The following AKAP9 variants were observed in gnomAD, a reference collection of about 807,000 sequenced individuals.
AKAP9 encodes the protein A-kinase anchor protein 9.
AKAP9 carries 311 observed loss-of-function variants against 488.5 expected under a neutral mutation model. That is an observed-to-expected ratio of 0.64 (90% CI 0.58 to 0.70). The LOEUF (loss-of-function observed/expected upper bound fraction) is 0.70. Among genes scored for constraint, AKAP9 ranks in the 30% least tolerant of loss-of-function variants. The pLI, the probability that AKAP9 is intolerant of heterozygous loss-of-function variation, is 0.00. For synonymous variants in AKAP9, 1,462 were observed against 1,483.5 expected (o/e 0.99, Z 0.33); for missense variants, 4,215 against 4,374.5 (o/e 0.96, Z 1.03).
chr7:91,951,374 G>A (rs1792225621), intron 1 of AKAP9, among the ~76,000 whole-genome samples: 1 of 151,602 alleles, frequency 6.6e-6, no homozygotes, highest in Admixed American at 6.6e-5. Context: ...GCCCCAGCTG[G>A]AGTGTGGTGG....
At chr7:91,947,175 C>T (rs111269314) in intron 1 of AKAP9, among the ~76,000 whole-genome samples, 52 of 147,734 alleles carry the variant, frequency 3.5e-4, no homozygotes, top group African/African-American at 9.0e-4. Context: ...TGTGTGTGTG[C>T]GTGTGTGTGT....
intron 1 of AKAP9, among the ~76,000 whole-genome samples, chr7:91,964,223 G>A (rs1013175654): frequency 2.6e-5 from 4 of 152,140 alleles, no homozygotes; most frequent in African/African-American, 7.2e-5. Flanking sequence ...AGCTAGATAC[G>A]ATTGTTGAAG....
chr7:91,985,405 A>G lies in AKAP9; in HGVS notation c.351+5072A>G, dbSNP rs112329238. On this transcript the variant is annotated intron_variant, in intron 3 of 49. Coordinates refer to ENST00000356239, the MANE Select transcript of AKAP9 (RefSeq NM_005751.5). Reference sequence around the variant, plus strand: ...TTTTGTCTTTGGTTCTGTTTATGTGATGGATTATGTTTATTGATTTGTGTG... The same window carrying G: ...TTTTGTCTTTGGTTCTGTTTATGTGGTGGATTATGTTTATTGATTTGTGTG... Among the ~76,000 whole-genome samples the G allele has an allele frequency of 5.2e-3, 783 of 151,956 alleles. 6 individuals are homozygous for G. The highest frequency in any genetic ancestry group is 0.018 in the African/African-American group (741 of 41,444).
At chr7:92,049,704 G>T (rs559229348) in intron 21 of AKAP9, among the ~76,000 whole-genome samples, 120 of 151,778 alleles carry the variant, frequency 7.9e-4, no homozygotes, top group African/African-American at 2.7e-3. Context: ...TTTAAATTTG[G>T]TTTTTTCTTG....
At position 92,040,755 on chromosome 7, in the gene AKAP9, C is replaced by T. The variant is rs1805963402; in HGVS notation, c.4774C>T (p.Gln1592Ter). The T allele has an allele frequency of 2.5e-6, 4 of 1,611,644 alleles. No homozygotes were observed. Among genetic ancestry groups the T allele is most frequent in the Non-Finnish European group, 3.4e-6 (4 of 1,179,696 alleles). Residue 1592 changes from glutamine to a stop codon, truncating the protein, a stop_gained, in exon 18 of 50, where the codon CAG (glutamine) becomes TAG (stop). Coordinates refer to ENST00000356239, the MANE Select transcript of AKAP9 (RefSeq NM_005751.5). LOFTEE classifies it high-confidence loss of function. ...LNEEQLEDMRQELVRQYQEHQ... is the reference protein window; with the variant it reads ...LNEEQLEDMR ...TGAAGAACAGTTGGAAGATATGAGA[C>T]AGGAACTTGTACGACAATACCAAGA...
At chr7:91,943,624 C>T (rs568423975) in intron 1 of AKAP9, among the ~76,000 whole-genome samples, 1 of 152,124 alleles carries the variant, frequency 6.6e-6, no homozygotes, top group Non-Finnish European at 1.5e-5. Flanking sequence ...ACTACTATGT[C>T]ATTTTATAGA....
At chr7:92,004,235 C>T (rs979975476) in intron 8 of AKAP9, among the ~76,000 whole-genome samples, 8 of 152,070 alleles carry the variant, frequency 5.3e-5, no homozygotes, top group Admixed American at 1.3e-4. Context: ...AGTCAGGTAG[C>T]GTGATGCCTC....
intron 8 of AKAP9, among the ~76,000 whole-genome samples, chr7:92,008,161 A>G (rs1354243271): frequency 6.6e-6 from 1 of 151,812 alleles, no homozygotes; most frequent in African/African-American, 2.4e-5. Flanking sequence ...CAAGGTCAGG[A>G]GTTCAAGATT....
intron 14 of AKAP9, among the ~76,000 whole-genome samples, chr7:92,027,395 G>T (rs1404950081): frequency 1.4e-5 from 2 of 141,830 alleles, no homozygotes; most frequent in African/African-American, 5.3e-5. Context: ...CTGCCCGGCC[G>T]CCCTGTCTGG....
At chr7:91,993,253 A>G (rs949198340) in intron 5 of AKAP9, among the ~76,000 whole-genome samples, 198 bp downstream of exon 5, 3 of 149,124 alleles carry the variant, frequency 2.0e-5, no homozygotes, top group South Asian at 2.1e-4. Context: ...TAGTGGTGCA[A>G]TCTCGGCCCA....
At chr7:91,983,479 T>C (rs912626106) in intron 3 of AKAP9, among the ~76,000 whole-genome samples, 1 of 152,274 alleles carries the variant, frequency 6.6e-6, no homozygotes, top group South Asian at 2.1e-4. Context: ...GGTTCCAAGT[T>C]TTTGCTATTG....
At chr7:91,991,534 C>T (rs1273741951) in intron 3 of AKAP9, among the ~76,000 whole-genome samples, 2 of 150,108 alleles carry the variant, frequency 1.3e-5, no homozygotes, top group African/African-American at 2.5e-5. Flanking sequence ...TGCAGTGGCT[C>T]GATCTCAGCT....
In AKAP9 at chr7:92,110,148, A is replaced by G. The variant is rs1220989960; in HGVS notation, c.11713A>G (p.Met3905Val). The change falls in exon 50 of 50, where the codon ATG becomes GTG. Residue 3905 changes from methionine (M) to valine (V), a missense_variant. Physicochemically the swap from Met to Val is conservative, Grantham distance 21. This residue lies in a region of AKAP9 where 253 missense variants were observed against 266.8 expected (regional missense o/e 0.95). Transcript: ENST00000356239. Reference sequence around the variant, plus strand: ...TTCAACTACTCAATTTCATGCTGGCATGAGAAGATAATCCTTTGAAACATC... The same window carrying G: ...TTCAACTACTCAATTTCATGCTGGCGTGAGAAGATAATCCTTTGAAACATC... ...SGSTTQFHAGMRR is the reference protein window; with the variant it reads ...SGSTTQFHAGVRR 6.2e-7 allele frequency: 1 copy of G among 1,601,988 alleles called. No individual in the cohort carries two copies. Among genetic ancestry groups the G allele is most frequent in the Non-Finnish European group, 8.5e-7 (1 of 1,171,940 alleles).
rs1191923442 is a variant in AKAP9, at chr7:91,980,325, A to G, written c.343A>G (p.Ser115Gly). Residue 115 changes from serine to glycine, a missense_variant, in exon 3 of 50, where the codon AGT (serine) becomes GGT (glycine). Physicochemically the swap from Ser to Gly is moderately conservative, Grantham distance 56. Transcript: ENST00000356239. Reference protein sequence around the residue: ...SEISTTADDCSSEVNGCSFVM... With the variant: ...SEISTTADDCGSEVNGCSFVM... ...AATTTCAACCACAGCAGATGACTGCAGTTCAGAGGTAAGACTAAATTATAT... is the reference window on the plus strand; with the variant it reads ...AATTTCAACCACAGCAGATGACTGCGGTTCAGAGGTAAGACTAAATTATAT... 1.3e-6 allele frequency: 2 copies of G among 1,566,118 alleles called. No individual in the cohort carries two copies. The highest frequency in any genetic ancestry group is 1.4e-5 in the African/African-American group (1 of 74,018).
chr7:92,063,869 C>T (rs960322256), intron 24 of AKAP9, among the ~76,000 whole-genome samples: 7 of 152,098 alleles, frequency 4.6e-5, no homozygotes, highest in African/African-American at 1.7e-4. Context: ...CAACCTCCGC[C>T]TCCTGGGTTC....
chr7:92,026,258 T>A (rs534641730), intron 14 of AKAP9, among the ~76,000 whole-genome samples: 9 of 152,242 alleles, frequency 5.9e-5, no homozygotes, highest in African/African-American at 1.9e-4. Context: ...TTTTTTCAGT[T>A]TGGAGTAATA....
At chr7:92,088,612 G>A (rs1815007531) in intron 37 of AKAP9, among the ~76,000 whole-genome samples, 1 of 152,182 alleles carries the variant, frequency 6.6e-6, no homozygotes, top group Admixed American at 6.5e-5. Context: ...GTGGTTGACA[G>A]GGGTTAGGGT....
At chr7:92,081,265 C>G in intron 31 of AKAP9, among the ~76,000 whole-genome samples, 1 of 151,036 alleles carries the variant, frequency 6.6e-6, no homozygotes, top group East Asian at 1.9e-4. Context: ...TATTTAATAG[C>G]ATCTACTGAA....
intron 1 of AKAP9, among the ~76,000 whole-genome samples, chr7:91,956,484 A>C (rs2130492038): frequency 6.6e-6 from 1 of 151,732 alleles, no homozygotes; most frequent in South Asian, 2.1e-4. Flanking sequence ...ATTTACCTTG[A>C]ATAAGATATA....
Sources: gnomAD v4.1 joint callset for allele counts (sites outside exome capture counted in the v4.1 genomes callset) on GRCh38, gnomAD v4.1.1 for gene constraint, gnomAD v4.1.1 regional missense constraint, MANE v1.5 for transcripts, NCBI Gene and HGNC (gene_info 2026-07-23, HGNC 2026-07-21) for gene names.